LIM2: variants seen among roughly 807,000 people sequenced by gnomAD.
LIM2 encodes lens fiber membrane intrinsic protein.
LIM2 carries 14 observed loss-of-function variants against 19.0 expected under a neutral mutation model. That is an observed-to-expected ratio of 0.74 (90% CI 0.49 to 1.15). The LOEUF (loss-of-function observed/expected upper bound fraction) is 1.15, where lower values mean the gene tolerates loss of function less well. Ranked by LOEUF, LIM2 falls within the 50% of genes most tolerant of loss-of-function variation. The pLI, the probability that LIM2 is intolerant of heterozygous loss-of-function variation, is 0.00. For missense variants in LIM2, 230 were observed against 243.5 expected, an observed-to-expected ratio of 0.94 and a Z score of 0.37; for synonymous variants, 78 against 89.6, an observed-to-expected ratio of 0.87 and a Z score of 0.73.
chr19:51,380,744 G>A, intron 3 of LIM2, 105 bp from the exon 4 acceptor site: 1 of 1,350,346 alleles, frequency 7.4e-7, no homozygotes, highest in Non-Finnish European at 1.0e-6. Context: ...TTGGGGAAAG[G>A]GGTGGAAATG....
intron 1 of LIM2, 70 bp downstream of exon 1, chr19:51,387,849 A>T (rs1237307261): frequency 4.1e-6 from 1 of 244,248 alleles, no homozygotes; most frequent in Non-Finnish European, 8.1e-6. Context: ...CTGGGAGAAG[A>T]AGGAGCTGGG....
intron 3 of LIM2, 108 bp from the exon 4 acceptor site, chr19:51,380,747 T>C: frequency 8.4e-7 from 1 of 1,187,134 alleles, no homozygotes; most frequent in Non-Finnish European, 1.2e-6. Flanking sequence ...GGGAAAGGGG[T>C]GGAAATGGGT....
chr19:51,382,870 C>T (rs187543845), intron 2 of LIM2, among the ~76,000 whole-genome samples: 163 of 152,064 alleles, frequency 1.1e-3, no homozygotes, highest in African/African-American at 3.7e-3. Context: ...TGAAGACAGG[C>T]GGTGGGTTGG....
intron 1 of LIM2, 92 bp downstream of exon 1, chr19:51,387,827 G>A: frequency 3.6e-6 from 1 of 277,394 alleles, no homozygotes; most frequent in Admixed American, 4.9e-5. Flanking sequence ...CTAGGGGGTA[G>A]GACACCAGGT....
intron 2 of LIM2, among the ~76,000 whole-genome samples, chr19:51,386,115 A>C (rs779802373): frequency 6.6e-6 from 1 of 151,472 alleles, no homozygotes; most frequent in Non-Finnish European, 1.5e-5. Context: ...TATATTATAT[A>C]TTATTAATTA....
chr19:51,380,380 T>G (rs1363543220), intron 4 of LIM2, 118 bp from the exon 5 acceptor site: 1 of 1,545,702 alleles, frequency 6.5e-7, no homozygotes, highest in Admixed American at 1.7e-5. Flanking sequence ...CCAGACTCCA[T>G]AGGCCTGGAG....
intron 2 of LIM2, among the ~76,000 whole-genome samples, chr19:51,386,026 T>C (rs188967225): frequency 3.9e-5 from 6 of 152,328 alleles, no homozygotes; most frequent in Admixed American, 3.9e-4. Flanking sequence ...TGTAAAGTGC[T>C]TAGAATAGCA....
At position 51,380,078 on chromosome 19, in the gene LIM2, C is replaced by G; in HGVS notation, c.*123G>C. The stretch of plus-strand genomic sequence containing the variant: ...AGGAGTCAGCCTCCCCCCACAAACC[C>G]ACAGTCCAGAACTGAGCCCCCTCAT... On this transcript the variant is annotated 3_prime_UTR_variant, in exon 5 of 5. Transcript: ENST00000596399. 1.1e-6 allele frequency: 1 copy of G among 918,510 alleles called. No individual in the cohort carries two copies. The highest frequency in any genetic ancestry group is 1.7e-6 in the Non-Finnish European group (1 of 572,936). The allele number at this position is 918,510 out of a possible 1,614,324, so 56.9% of individuals were successfully genotyped here.
rs1599860110 is a variant in LIM2, at chr19:51,379,946, C to T, written c.*255G>A. ...AGTTTTATTAGGCCCCAGAAAGTTG[C>T]TCTAATGGATAGTCCATTTTTCTAA... On this transcript the variant is annotated 3_prime_UTR_variant, in exon 5 of 5. Transcript: ENST00000596399. 2 of 583,312 alleles carry T rather than the reference C, an allele frequency of 3.4e-6. No homozygotes were observed. The highest frequency in any genetic ancestry group is 3.1e-6 in the Non-Finnish European group (1 of 327,010). 36.1% of individuals were successfully genotyped at this position (583,312 alleles called of 1,614,324 possible).
At chr19:51,381,656 A>G (rs1166079563) in intron 3 of LIM2, among the ~76,000 whole-genome samples, 1 of 152,174 alleles carries the variant, frequency 6.6e-6, no homozygotes, top group Non-Finnish European at 1.5e-5. Context: ...TCTATAAGGA[A>G]ACTATAACTG....
At chr19:51,382,609 C>T in intron 2 of LIM2, 42 bp from the exon 3 acceptor site, 1 of 1,611,896 alleles carries the variant, frequency 6.2e-7, no homozygotes, top group East Asian at 2.2e-5. Flanking sequence ...CTCCCCTGCT[C>T]TAAGTGAGAG....
intron 2 of LIM2, among the ~76,000 whole-genome samples, chr19:51,385,832 G>A (rs916469332): frequency 4.6e-5 from 7 of 152,218 alleles, no homozygotes; most frequent in African/African-American, 1.4e-4. Flanking sequence ...TCTCAGGGCT[G>A]GCTCCGGGAG....
intron 1 of LIM2, among the ~76,000 whole-genome samples, chr19:51,387,704 G>C (rs560430079): frequency 3.3e-5 from 5 of 152,202 alleles, no homozygotes; most frequent in Admixed American, 6.5e-5. Context: ...CGGGGGCCTG[G>C]ACTTCCAGGT....
rs758664576 is a variant in LIM2, at chr19:51,387,232, C to T, written c.175+37G>A. 6.8e-6 allele frequency: 11 copies of T among 1,614,232 alleles called. No individual in the cohort carries two copies. In the Admixed American group the frequency reaches 1.8e-4, roughly 27 times the overall value. ...GGCCCCGAGGTCCGCCCTGCTCTTT[C>T]CCCAGGCGCGGCCTGGACCCTGGCC... On this transcript the variant is annotated intron_variant, in intron 2 of 4. Transcript: ENST00000596399.
chr19:51,387,501 G>A, intron 1 of LIM2, 52 bp from the exon 2 acceptor site: 2 of 1,609,168 alleles, frequency 1.2e-6, no homozygotes, highest in Non-Finnish European at 8.5e-7. Context: ...GGGACTTGAA[G>A]GGAGGAACTG....
chr19:51,386,249 G>C (rs1044676900), intron 2 of LIM2, among the ~76,000 whole-genome samples: 7 of 151,024 alleles, frequency 4.6e-5, no homozygotes, highest in African/African-American at 1.7e-4. Context: ...TCAGCCTCCT[G>C]AGTAGCTGGG....
At chr19:51,383,970 C>T (rs1363669827) in intron 2 of LIM2, among the ~76,000 whole-genome samples, 2 of 152,206 alleles carry the variant, frequency 1.3e-5, no homozygotes, top group African/African-American at 2.4e-5. Flanking sequence ...AAATTCCTGG[C>T]TGTTTCTCCA....
Position 51,380,623 on chromosome 19 carries a change from C to T in LIM2, c.342G>A (p.Leu114=). The T allele has an allele frequency of 6.2e-7, 1 of 1,613,994 alleles. No individual in the cohort carries two copies. ...MFFSSTLFVV[L]ALAIYTGVTV... is the part of the protein sequence containing the mutation. ...TGACTCCAGTGTAGATGGCCAAGGC[C>T]AACACGACGAAAAGGGCTGGGGAGA... is the stretch of plus-strand genomic sequence containing the variant. Residue 114 remains leucine (L), a synonymous_variant, in exon 4 of 5, where the codon TTG becomes TTA. Coordinates refer to ENST00000596399, the MANE Select transcript of LIM2 (RefSeq NM_001161748.2).
At position 51,382,575 on chromosome 19, in the gene LIM2, A is replaced by G. The variant is rs1413882946; in HGVS notation, c.176-8T>C. 6.2e-7 allele frequency: 1 copy of G among 1,612,930 alleles called. No individual in the cohort carries two copies. Among genetic ancestry groups the G allele is most frequent in the African/African-American group, 1.3e-5 (1 of 74,808 alleles). On this transcript the variant is annotated splice_region_variant and splice_polypyrimidine_tract_variant and intron_variant, in intron 2 of 4. Transcript: ENST00000596399. The stretch of plus-strand genomic sequence containing the variant: ...GGGTGGCATTCCAGTATGCTGTGGG[A>G]GCACCCCATGGTCATTCCCACACCT...
Sources: allele counts gnomAD v4.1 joint callset (sites outside exome capture counted in the v4.1 genomes callset), GRCh38; gene constraint gnomAD v4.1.1; transcripts MANE v1.5; gene names NCBI Gene and HGNC (gene_info 2026-07-23, HGNC 2026-07-21).